The following NUP54 variants were observed in gnomAD, a reference collection of about 807,000 sequenced individuals.
NUP54 encodes the protein nucleoporin p54.
NUP54 carries 27 observed loss-of-function variants against 66.4 expected under a neutral mutation model. The observed-to-expected ratio is 0.41, with a 90% CI of 0.30 to 0.56. NUP54 has a LOEUF of 0.56. NUP54 is among the 20% of genes least tolerant of loss of function. The probability of loss-of-function intolerance (pLI) is 0.34; values close to 1 mark genes in which losing one functional copy is unlikely to be tolerated. For synonymous variants in NUP54, 206 were observed against 210.7 expected (o/e 0.98, Z 0.19); for missense variants, 486 against 596.3 (o/e 0.82, Z 1.93).
At position 76,124,746 on chromosome 4, in the gene NUP54, T is replaced by G; in HGVS notation, c.1067A>C (p.Glu356Ala). 1 of 1,175,082 alleles carries G rather than the reference T, an allele frequency of 8.5e-7. No homozygotes were observed. The highest frequency in any genetic ancestry group is 1.2e-6 in the Non-Finnish European group (1 of 855,408). The allele number at this position is 1,175,082 out of a possible 1,614,324, so 72.8% of individuals were successfully genotyped here. ...QHQTRLDIIS[E>A]DISELQKNQT... is the part of the protein sequence containing the mutation. ...ATTCTTTTGTAGCTCACTAATATCT[T>G]CAGATATGATCTGTTTAAAAAAAAA... Residue 356 changes from glutamate (E) to alanine (A), a missense_variant, in exon 9 of 12, where the codon GAA (glutamate) becomes GCA (alanine). Glu to Ala is a moderately radical substitution (Grantham distance 107). Coordinates refer to ENST00000264883, the MANE Select transcript of NUP54 (RefSeq NM_017426.4).
chr4:76,147,510 C>T, intron 1 of NUP54: 2 of 1,289,654 alleles, frequency 1.6e-6, no homozygotes, highest in Non-Finnish European at 2.0e-6. Context: ...CAAAATTGAA[C>T]GGAGTCGCCG....
In NUP54 at chr4:76,130,813, A is replaced by C. The variant is rs1730769457; in HGVS notation, c.963-64T>G. 1.1e-4 allele frequency: 118 copies of C among 1,036,056 alleles called. No individual in the cohort carries two copies. The South Asian group carries it at 1.5e-3, about 13-fold the overall frequency. 64.2% of individuals were successfully genotyped at this position (1,036,056 alleles called of 1,614,324 possible). A position where few individuals can be genotyped will look rare whatever the true frequency, so the allele number is the denominator to read the frequency against. ...TATTACTACAAAATACAAGAAGTGA[A>C]GGTTTTAGTAACACTCATGTAATTT... On this transcript the variant is annotated intron_variant, in intron 7 of 11. Transcript: ENST00000264883.
At chr4:76,116,331 TTC>T (rs1271950640) in intron 11 of NUP54, among the ~76,000 whole-genome samples, 2 of 152,236 alleles carry the variant, frequency 1.3e-5, no homozygotes, top group Non-Finnish European at 2.9e-5. Flanking sequence ...GCCATATCCA[TTC>T]TAACATAATA....
At position 76,148,356 on chromosome 4, in the gene NUP54, C is replaced by A; in HGVS notation, c.19G>T (p.Ala7Ser). Residue 7 changes from alanine to serine, a missense_variant, in exon 1 of 12, where the codon GCT becomes TCT. Physicochemically the swap from Ala to Ser is moderately conservative, Grantham distance 99. This residue lies in a region of NUP54 where 145 missense variants were observed against 137.1 expected (regional missense o/e 1.06). Coordinates refer to ENST00000264883, the MANE Select transcript of NUP54 (RefSeq NM_017426.4). ...GCGGTACCGGAGGTGCCCGAGGGAGCCCCAAAATTGAAGGCCATGTCGCGA... is the reference window on the plus strand; with the variant it reads ...GCGGTACCGGAGGTGCCCGAGGGAGACCCAAAATTGAAGGCCATGTCGCGA... MAFNFG[A>S]PSGTSGTAAA... 1 of 1,544,552 alleles carries A rather than the reference C, an allele frequency of 6.5e-7. No individual in the cohort carries two copies. The highest frequency in any genetic ancestry group is 8.7e-7 in the Non-Finnish European group (1 of 1,146,208).
chr4:76,129,623 C>T (rs867810849), intron 8 of NUP54, among the ~76,000 whole-genome samples: 4 of 152,046 alleles, frequency 2.6e-5, no homozygotes, highest in Non-Finnish European at 4.4e-5. Flanking sequence ...CTAGCACTTT[C>T]GGGAGGCCGA....
chr4:76,132,789 T>C (rs773082845), intron 5 of NUP54, 70 bp from the exon 6 acceptor site: 4 of 1,118,584 alleles, frequency 3.6e-6, no homozygotes, highest in South Asian at 1.5e-5. Context: ...CAGCATATCA[T>C]AGCATGTGAT....
chr4:76,138,087 C>T (rs990004055), intron 3 of NUP54, among the ~76,000 whole-genome samples: 1 of 152,168 alleles, frequency 6.6e-6, no homozygotes, highest in Non-Finnish European at 1.5e-5. Flanking sequence ...GTCCATGGAG[C>T]TTCTACAGAG....
intron 9 of NUP54, among the ~76,000 whole-genome samples, chr4:76,123,783 G>A (rs1730340442): frequency 6.6e-6 from 1 of 152,132 alleles, no homozygotes; most frequent in South Asian, 2.1e-4. Context: ...CAAAGTTCTA[G>A]GATTACAAGA....
At chr4:76,133,750 A>G (rs1730916932) in intron 5 of NUP54, among the ~76,000 whole-genome samples, 1 of 152,206 alleles carries the variant, frequency 6.6e-6, no homozygotes, top group African/African-American at 2.4e-5. Context: ...ATTGCATCTC[A>G]TTAATAATCA....
intron 8 of NUP54, among the ~76,000 whole-genome samples, chr4:76,127,432 CAAAAAAAAAAAAA>C (rs59383944): frequency 1.8e-5 from 1 of 54,786 alleles, no homozygotes; most frequent in Non-Finnish European, 3.5e-5. Context: ...ACCCCCATCT[CAAAAAAAAAAAAA>C]AAAAAAAAAT....
chr4:76,137,522 C>T (rs1488090587), intron 3 of NUP54, among the ~76,000 whole-genome samples: 1 of 152,000 alleles, frequency 6.6e-6, no homozygotes, highest in African/African-American at 2.4e-5. Context: ...ATATCAAATA[C>T]CAGCTTACTA....
At chr4:76,122,734 CCAAA>C (rs994323906) in intron 9 of NUP54, among the ~76,000 whole-genome samples, 6 of 152,172 alleles carry the variant, frequency 3.9e-5, no homozygotes, top group African/African-American at 9.6e-5. Flanking sequence ...AAGTATATGT[CCAAA>C]CAAACACTTG....
chr4:76,130,952 C>A (rs1730773854), intron 7 of NUP54: 1 of 603,924 alleles, frequency 1.7e-6, no homozygotes, highest in Non-Finnish European at 2.9e-6. Flanking sequence ...ACAGTTCAGT[C>A]AAAACATTAC....
intron 1 of NUP54, chr4:76,146,089 T>C (rs1331015341): frequency 6.7e-6 from 3 of 449,632 alleles, no homozygotes; most frequent in African/African-American, 4.0e-5. Context: ...CAGTTTCTCA[T>C]CATGCTCCAC....
intron 3 of NUP54, among the ~76,000 whole-genome samples, chr4:76,139,323 G>C (rs959451341): frequency 3.3e-5 from 5 of 152,150 alleles, no homozygotes; most frequent in Non-Finnish European, 7.3e-5. Flanking sequence ...GCCTCTCAAC[G>C]TGACGTGATA....
intron 3 of NUP54, among the ~76,000 whole-genome samples, chr4:76,141,401 C>T (rs1251559619): frequency 6.6e-6 from 1 of 152,176 alleles, no homozygotes; most frequent in Non-Finnish European, 1.5e-5. Context: ...TAAATATATA[C>T]AACTACCCAA....
chr4:76,141,968 C>T (rs959495023), intron 3 of NUP54, among the ~76,000 whole-genome samples: 11 of 152,078 alleles, frequency 7.2e-5, no homozygotes, highest in African/African-American at 2.7e-4. Context: ...ATTTCCTCTG[C>T]GTGGATACCC....
chr4:76,133,006 G>A (rs1167053510), intron 5 of NUP54, among the ~76,000 whole-genome samples: 2 of 150,116 alleles, frequency 1.3e-5, no homozygotes, highest in East Asian at 3.9e-4. Flanking sequence ...CACCCGCTAC[G>A]TTTAGCTTAC....
At position 76,146,931 on chromosome 4, in the gene NUP54, A is replaced by G. The variant is rs1731526032; in HGVS notation, c.67+1377T>C. 2.6e-5 allele frequency among the ~76,000 whole-genome samples: 4 copies of G among 152,238 alleles called. 1 individual carries two copies. In the South Asian group the frequency reaches 8.3e-4, roughly 31 times the overall value. On this transcript the variant is annotated intron_variant, in intron 1 of 11. Transcript: ENST00000264883. ...CAGCAAAGAACTGGGGATTCTTTCTATAATTACAAATCTTATAGAAATTAC... is the reference window on the plus strand; with the variant it reads ...CAGCAAAGAACTGGGGATTCTTTCTGTAATTACAAATCTTATAGAAATTAC...
Sources: allele counts gnomAD v4.1 joint callset (sites outside exome capture counted in the v4.1 genomes callset), GRCh38; gene constraint gnomAD v4.1.1; regional missense constraint gnomAD v4.1.1; transcripts MANE v1.5; gene names NCBI Gene and HGNC (gene_info 2026-07-23, HGNC 2026-07-21).